ANK3: variants seen among roughly 807,000 people sequenced by gnomAD.
The protein encoded by ANK3 is ankyrin-3.
In ANK3, 57 loss-of-function variants were observed where a neutral mutation model predicts 370.9. That is an observed-to-expected ratio of 0.15 (90% CI 0.12 to 0.19). The LOEUF (loss-of-function observed/expected upper bound fraction) is 0.19. Among genes scored for constraint, ANK3 ranks in the 10% least tolerant of loss-of-function variants. The pLI is 1.00. For missense variants in ANK3, 4,439 were observed against 5,302.1 expected, an observed-to-expected ratio of 0.84 and a Z score of 5.06; for synonymous variants, 1,929 against 1,946.3, an observed-to-expected ratio of 0.99 and a Z score of 0.23.
intron 7 of ANK3, among the ~76,000 whole-genome samples, chr10:60,255,524 A>T (rs2097721722): frequency 6.6e-6 from 1 of 152,184 alleles, no homozygotes; most frequent in African/African-American, 2.4e-5. Flanking sequence ...AAAATGGACA[A>T]TAGCAGATAA....
intron 1 of ANK3, among the ~76,000 whole-genome samples, chr10:60,695,236 C>A (rs977040433): frequency 3.9e-5 from 6 of 152,016 alleles, no homozygotes; most frequent in Non-Finnish European, 2.9e-5. Flanking sequence ...TACAGGAGCA[C>A]CCAGATTCAT....
At chr10:60,195,309 C>T (rs919639931) in intron 16 of ANK3, among the ~76,000 whole-genome samples, 7 of 149,586 alleles carry the variant, frequency 4.7e-5, no homozygotes, top group African/African-American at 1.7e-4. Context: ...GCGTGAACCC[C>T]GGAGGCGGAG....
At chr10:60,440,963 T>C (rs559856315) in intron 2 of ANK3, among the ~76,000 whole-genome samples, 2 of 152,282 alleles carry the variant, frequency 1.3e-5, no homozygotes, top group South Asian at 2.1e-4. Flanking sequence ...TTTGAGGAGC[T>C]TGTGGGACTT....
At position 60,075,406 on chromosome 10, in the gene ANK3, G is replaced by A; in HGVS notation, c.5475C>T (p.Tyr1825=). Reference sequence around the variant, plus strand: ...GTTCTGGCAAAACATTGACTACAGAGTATACTGGCACTGTTATAATTGATG... The same window carrying A: ...GTTCTGGCAAAACATTGACTACAGAATATACTGGCACTGTTATAATTGATG... ...VTSSIITVPV[Y]SVVNVLPEPA... The change falls in exon 37 of 44, where the codon TAC becomes TAT. Residue 1825 remains tyrosine (Y), a synonymous_variant. Coordinates refer to ENST00000280772, the MANE Select transcript of ANK3 (RefSeq NM_020987.5). 6.2e-7 allele frequency: 1 copy of A among 1,613,734 alleles called. No homozygotes were observed. Among genetic ancestry groups the A allele is most frequent in the African/African-American group, 1.3e-5 (1 of 75,060 alleles).
chr10:60,226,567 A>AT (rs2097163183), intron 8 of ANK3, among the ~76,000 whole-genome samples: 2 of 26,982 alleles, frequency 7.4e-5, no homozygotes, highest in Non-Finnish European at 1.4e-4. Context: ...ATATATACAT[A>AT]GTATATGTAT....
At chr10:60,253,974 G>C (rs2097701892) in intron 7 of ANK3, among the ~76,000 whole-genome samples, 1 of 152,034 alleles carries the variant, frequency 6.6e-6, no homozygotes, top group Admixed American at 6.6e-5. Context: ...AGCATGATTT[G>C]TATAATAAGA....
intron 2 of ANK3, among the ~76,000 whole-genome samples, chr10:60,600,133 C>T (rs75525457): frequency 0.011 from 1,601 of 152,208 alleles, 18 homozygotes; most frequent in Middle Eastern, 0.024. Flanking sequence ...CTCAAAAGCT[C>T]CTACTTTTAA....
chr10:60,709,081 A>G (rs540963214), intron 1 of ANK3, among the ~76,000 whole-genome samples: 6 of 152,178 alleles, frequency 3.9e-5, no homozygotes, highest in African/African-American at 1.4e-4. Flanking sequence ...AAACAAAACA[A>G]CAACAACAAC....
intron 2 of ANK3, among the ~76,000 whole-genome samples, chr10:60,485,966 G>GA (rs1178307624): frequency 6.6e-6 from 1 of 151,808 alleles, no homozygotes; most frequent in Non-Finnish European, 1.5e-5. Context: ...AAAAATGAAG[G>GA]AAAAAAAGCA....
intron 1 of ANK3, among the ~76,000 whole-genome samples, chr10:60,309,922 C>CTTTTTTTTTTTTTTTTTT (rs71015785): frequency 2.3e-4 from 31 of 134,268 alleles, no homozygotes; most frequent in East Asian, 4.3e-4. Flanking sequence ...TTTCTTTTTT[C>CTTTTTTTTTTTTTTTTTT]TTTTTTTTTT....
At chr10:60,513,143 T>C (rs927958455) in intron 2 of ANK3, among the ~76,000 whole-genome samples, 36 of 152,112 alleles carry the variant, frequency 2.4e-4, no homozygotes, top group African/African-American at 8.0e-4. Context: ...AGATTAATAA[T>C]TGAGGAGAGG....
At chr10:60,676,749 T>C (rs1003748949) in intron 1 of ANK3, among the ~76,000 whole-genome samples, 4 of 152,152 alleles carry the variant, frequency 2.6e-5, no homozygotes, top group Non-Finnish European at 5.9e-5. Flanking sequence ...TTCAAAAGCA[T>C]GGGGTAAGGA....
intron 1 of ANK3, among the ~76,000 whole-genome samples, chr10:60,347,084 A>G (rs1208635653): frequency 6.7e-6 from 1 of 149,730 alleles, no homozygotes; most frequent in Admixed American, 6.7e-5. Context: ...TTGCATTAGT[A>G]CTACCTAATG....
chr10:60,553,976 A>G (rs1325209850), intron 2 of ANK3, among the ~76,000 whole-genome samples: 2 of 152,186 alleles, frequency 1.3e-5, no homozygotes, highest in African/African-American at 4.8e-5. Flanking sequence ...GTTTCAATAT[A>G]TCAGCATCAA....
intron 2 of ANK3, among the ~76,000 whole-genome samples, chr10:60,547,328 T>C (rs1315951328): frequency 6.6e-6 from 1 of 152,134 alleles, no homozygotes; most frequent in Non-Finnish European, 1.5e-5. Context: ...CCTGACCTCA[T>C]GATCCACTCG....
intron 17 of ANK3, 133 bp from the exon 18 acceptor site, chr10:60,181,560 A>G (rs1275952176): frequency 1.1e-5 from 9 of 831,200 alleles, no homozygotes; most frequent in Non-Finnish European, 1.7e-5. Context: ...CTATGGAATA[A>G]ATTTATATGC....
chr10:60,044,040 C>T, intron 42 of ANK3: 1 of 985,776 alleles, frequency 1.0e-6, no homozygotes, highest in Non-Finnish European at 1.2e-6. Context: ...AGCTTTTGTC[C>T]TCTACATTCT....
At chr10:60,115,167 T>C (rs911901201) in intron 25 of ANK3, among the ~76,000 whole-genome samples, 7 of 152,164 alleles carry the variant, frequency 4.6e-5, no homozygotes, top group Non-Finnish European at 8.8e-5. Flanking sequence ...AGTTTAGAAC[T>C]TATAATGGGA....
At chr10:60,732,745 T>C (rs2080041839) in intron 1 of ANK3, among the ~76,000 whole-genome samples, 1 of 150,388 alleles carries the variant, frequency 6.6e-6, no homozygotes, top group African/African-American at 2.5e-5. Context: ...ACTTTCAGAG[T>C]CTGAAGGTAA....
Sources: gnomAD v4.1 joint callset for allele counts (sites outside exome capture counted in the v4.1 genomes callset) on GRCh38, gnomAD v4.1.1 for gene constraint, MANE v1.5 for transcripts, NCBI Gene and HGNC (gene_info 2026-07-23, HGNC 2026-07-21) for gene names.